The following CADM2 variants were observed in gnomAD, a reference collection of about 807,000 sequenced individuals.
CADM2 encodes immunoglobulin superfamily member 4D.
In CADM2, 12 loss-of-function variants were observed where a neutral mutation model predicts 49.8. The observed-to-expected ratio is 0.24, with a 90% CI of 0.15 to 0.39. CADM2 has a LOEUF of 0.39. Among genes scored for constraint, CADM2 ranks in the 10% least tolerant of loss-of-function variants. CADM2 has a pLI of 1.00. For missense variants in CADM2, 378 were observed against 492.3 expected, an observed-to-expected ratio of 0.77 and a Z score of 2.20; for synonymous variants, 214 against 175.4, an observed-to-expected ratio of 1.22 and a Z score of -1.74.
At chr3:84,972,216 G>C (rs1237982595) in intron 1 of CADM2, among the ~76,000 whole-genome samples, 2 of 152,172 alleles carry the variant, frequency 1.3e-5, no homozygotes, top group Non-Finnish European at 2.9e-5. Flanking sequence ...ATTCTTTGGT[G>C]ATGTATTGTA....
chr3:85,601,690 CT>C (rs896413341), intron 1 of CADM2, among the ~76,000 whole-genome samples: 30 of 150,190 alleles, frequency 2.0e-4, no homozygotes, highest in African/African-American at 6.6e-4. Context: ...CTGTTTGTTT[CT>C]TTTTTTTTCC....
intron 1 of CADM2, among the ~76,000 whole-genome samples, chr3:85,596,384 T>C (rs2063239809): frequency 6.6e-6 from 1 of 152,042 alleles, no homozygotes; most frequent in Admixed American, 6.6e-5. Flanking sequence ...GTGAATACTT[T>C]TAAGGAAATG....
intron 1 of CADM2, among the ~76,000 whole-genome samples, chr3:85,042,337 TTTTTATG>T (rs1300226788): frequency 2.0e-5 from 3 of 152,208 alleles, no homozygotes; most frequent in Non-Finnish European, 2.9e-5. Context: ...TATGTTTTTA[TTTTTATG>T]TTTTATGTTT....
At chr3:85,091,616 T>C (rs1156499211) in intron 1 of CADM2, among the ~76,000 whole-genome samples, 2 of 152,248 alleles carry the variant, frequency 1.3e-5, no homozygotes, top group Admixed American at 1.3e-4. Flanking sequence ...TTATTAAAAC[T>C]GAGCTGAACT....
intron 1 of CADM2, among the ~76,000 whole-genome samples, chr3:85,569,715 G>GA (rs771004772): frequency 0.29 from 40,174 of 136,580 alleles, 6,687 homozygotes; most frequent in East Asian, 0.55. Flanking sequence ...AAAAAAAAAA[G>GA]AAAAAAAAAA....
chr3:85,695,817 C>G (rs1347151262), intron 1 of CADM2, among the ~76,000 whole-genome samples: 1 of 151,980 alleles, frequency 6.6e-6, no homozygotes, highest in Non-Finnish European at 1.5e-5. Context: ...TATTTTAGTT[C>G]TTTGAGAAAT....
chr3:85,995,658 C>G (rs577563785), intron 8 of CADM2, among the ~76,000 whole-genome samples: 1 of 152,084 alleles, frequency 6.6e-6, no homozygotes, highest in African/African-American at 2.4e-5. Context: ...ATATTATTCT[C>G]CTGGATCATC....
chr3:85,476,160 T>G (rs939174276), intron 1 of CADM2, among the ~76,000 whole-genome samples: 2 of 151,842 alleles, frequency 1.3e-5, no homozygotes, highest in African/African-American at 4.8e-5. Context: ...CCTGACAAAC[T>G]GAAAAATAAA....
At chr3:86,025,247 G>A (rs939199212) in intron 8 of CADM2, among the ~76,000 whole-genome samples, 1 of 152,060 alleles carries the variant, frequency 6.6e-6, no homozygotes, top group African/African-American at 2.4e-5. Flanking sequence ...AGTAGAGCCA[G>A]GGTTTCACCA....
At chr3:85,200,335 C>T (rs77769643) in intron 1 of CADM2, among the ~76,000 whole-genome samples, 5,425 of 152,082 alleles carry the variant, frequency 0.036, 125 homozygotes, top group Middle Eastern at 0.058. Context: ...AAACCGTTTC[C>T]ACTCATTCGG....
chr3:85,235,457 AT>A (rs1212215536), intron 1 of CADM2, among the ~76,000 whole-genome samples: 2 of 152,164 alleles, frequency 1.3e-5, no homozygotes, highest in Non-Finnish European at 2.9e-5. Context: ...TTGATTATAA[AT>A]GTTCATGCTG....
At chr3:85,674,248 A>G (rs552239102) in intron 1 of CADM2, among the ~76,000 whole-genome samples, 1 of 152,218 alleles carries the variant, frequency 6.6e-6, no homozygotes, top group Non-Finnish European at 1.5e-5. Context: ...TGTGATCAAT[A>G]TGATAAGGAA....
intron 8 of CADM2, among the ~76,000 whole-genome samples, chr3:86,023,451 C>T (rs1264012065): frequency 2.6e-5 from 4 of 152,018 alleles, no homozygotes; most frequent in Non-Finnish European, 5.9e-5. Flanking sequence ...CTCCACCTCC[C>T]GGGTTCAAGC....
chr3:85,084,498 C>T (rs907848840), intron 1 of CADM2, among the ~76,000 whole-genome samples: 3 of 152,094 alleles, frequency 2.0e-5, no homozygotes, highest in African/African-American at 7.2e-5. Context: ...ATAGAGTAGC[C>T]ACTAGCCACA....
At chr3:85,792,183 C>A (rs2071376782) in intron 2 of CADM2, among the ~76,000 whole-genome samples, 1 of 152,014 alleles carries the variant, frequency 6.6e-6, no homozygotes. Context: ...TAAAAACAAC[C>A]AAAACATGAT....
chr3:85,802,986 A>G (rs9816144), intron 3 of CADM2, among the ~76,000 whole-genome samples: 36,695 of 151,806 alleles, frequency 0.24, 5,204 homozygotes, highest in African/African-American at 0.38. Context: ...CTTAAAATTA[A>G]CTATTAGTCT....
intron 1 of CADM2, among the ~76,000 whole-genome samples, chr3:85,514,548 C>G (rs1394078906): frequency 1.3e-5 from 2 of 152,052 alleles, no homozygotes; most frequent in Non-Finnish European, 2.9e-5. Flanking sequence ...CACTGTAACT[C>G]TAAGAAGACC....
intron 1 of CADM2, among the ~76,000 whole-genome samples, chr3:85,556,576 C>A (rs930175323): frequency 1.3e-5 from 2 of 152,088 alleles, no homozygotes; most frequent in African/African-American, 4.8e-5. Flanking sequence ...TGACAGCAGT[C>A]GTTATTTAAA....
At chr3:85,912,292 G>A (rs1717718523) in intron 5 of CADM2, 81 bp from the exon 6 acceptor site, 3 of 960,558 alleles carry the variant, frequency 3.1e-6, no homozygotes, top group Non-Finnish European at 4.5e-6. Flanking sequence ...ATAGGGAGAA[G>A]CTGTTTCCAT....
Sources: gnomAD v4.1 joint callset for allele counts (sites outside exome capture counted in the v4.1 genomes callset) on GRCh38, gnomAD v4.1.1 for gene constraint, MANE v1.5 for transcripts, NCBI Gene and HGNC (gene_info 2026-07-23, HGNC 2026-07-21) for gene names.